RBPMS: variants seen among roughly 807,000 people sequenced by gnomAD.
RBPMS encodes the protein RNA-binding protein with multiple splicing.
Under a neutral mutation model 26.8 loss-of-function variants are expected in RBPMS, and 7 were observed. The observed-to-expected ratio is 0.26, with a 90% CI of 0.15 to 0.49. The LOEUF is 0.49. Among genes scored for constraint, RBPMS ranks in the 20% least tolerant of loss-of-function variants. The pLI, the probability that RBPMS is intolerant of heterozygous loss-of-function variation, is 0.98. For missense variants in RBPMS, 186 were observed against 250.0 expected (o/e 0.74, Z 1.73); for synonymous variants, 96 against 93.3 (o/e 1.03, Z -0.17).
chr8:30,414,093 G>A (rs1030904389), intron 1 of RBPMS, among the ~76,000 whole-genome samples: 8 of 151,828 alleles, frequency 5.3e-5, no homozygotes, highest in African/African-American at 1.5e-4. Flanking sequence ...TATTTTTGTC[G>A]TGCCCCCTCC....
chr8:30,499,898 G>C (rs1820371098), intron 4 of RBPMS, among the ~76,000 whole-genome samples: 1 of 135,750 alleles, frequency 7.4e-6, no homozygotes, highest in African/African-American at 2.6e-5. Flanking sequence ...GTGTGTGTGT[G>C]TGTGTGTGTT....
At chr8:30,555,648 T>C (rs1010323534) in intron 6 of RBPMS, among the ~76,000 whole-genome samples, 1 of 152,230 alleles carries the variant, frequency 6.6e-6, no homozygotes, top group African/African-American at 2.4e-5. Context: ...CTGCCTTGCA[T>C]GGAAGGCCAG....
Position 30,492,735 on chromosome 8 carries a change from G to A in RBPMS, c.247-11551G>A, listed in dbSNP as rs150914589. 2.2e-4 allele frequency among the ~76,000 whole-genome samples: 34 copies of A among 152,290 alleles called. 1 individual carries two copies. The East Asian group carries it at 6.6e-3, about 29-fold the overall frequency. On this transcript the variant is annotated intron_variant, in intron 4 of 8. Coordinates refer to ENST00000397323, the MANE Select transcript of RBPMS (RefSeq NM_001008710.3). ...CCTACTTTTTCACTGGATTCACTAT[G>A]TAACCAAAGGGGTGTGTATTTTCTA...
chr8:30,550,894 C>A (rs1306353060), intron 6 of RBPMS, among the ~76,000 whole-genome samples: 1 of 152,252 alleles, frequency 6.6e-6, no homozygotes. Flanking sequence ...CACAAACCCG[C>A]TGTCCCTGAC....
At chr8:30,419,820 C>T (rs543481286) in intron 1 of RBPMS, among the ~76,000 whole-genome samples, 16 of 152,154 alleles carry the variant, frequency 1.1e-4, no homozygotes, top group Non-Finnish European at 8.8e-5. Context: ...GGATTCTCAC[C>T]CTGTACTAAT....
intron 1 of RBPMS, among the ~76,000 whole-genome samples, chr8:30,430,588 T>C (rs1222542543): frequency 6.6e-6 from 1 of 152,238 alleles, no homozygotes; most frequent in Non-Finnish European, 1.5e-5. Context: ...CACTGCTATT[T>C]AAATGCTGTA....
chr8:30,419,670 G>C (rs1321487361), intron 1 of RBPMS, among the ~76,000 whole-genome samples: 3 of 151,906 alleles, frequency 2.0e-5, no homozygotes, highest in Non-Finnish European at 2.9e-5. Context: ...CTACCTTCAG[G>C]CTATGTTTAT....
chr8:30,545,813 C>T (rs1238263955), intron 6 of RBPMS, among the ~76,000 whole-genome samples: 3 of 152,166 alleles, frequency 2.0e-5, no homozygotes, highest in South Asian at 2.1e-4. Context: ...CTGGCCTGCC[C>T]TTGGTGCCTG....
chr8:30,560,552 C>A (rs776738046), intron 7 of RBPMS, among the ~76,000 whole-genome samples: 2 of 152,168 alleles, frequency 1.3e-5, no homozygotes, highest in Non-Finnish European at 2.9e-5. Flanking sequence ...TACTCTTCCT[C>A]TAACCCAATG....
chr8:30,554,629 T>TG (rs139306666), intron 6 of RBPMS, among the ~76,000 whole-genome samples: 1,721 of 152,250 alleles, frequency 0.011, 38 homozygotes, highest in African/African-American at 0.038. Context: ...GGTGATCACC[T>TG]GGGGGGCTGG....
At chr8:30,556,000 G>C (rs976953169) in intron 6 of RBPMS, 53 of 985,280 alleles carry the variant, frequency 5.4e-5, no homozygotes, top group Non-Finnish European at 6.3e-5. Context: ...GAGCCGCTCA[G>C]ACTTGGCCAG....
At chr8:30,423,555 A>G (rs1298992352) in intron 1 of RBPMS, among the ~76,000 whole-genome samples, 1 of 135,494 alleles carries the variant, frequency 7.4e-6, no homozygotes, top group Non-Finnish European at 1.5e-5. Flanking sequence ...CTTCCCATCC[A>G]TTTCTTCTTT....
chr8:30,521,403 G>T (rs1823005255), intron 5 of RBPMS, among the ~76,000 whole-genome samples: 1 of 152,174 alleles, frequency 6.6e-6, no homozygotes, highest in Non-Finnish European at 1.5e-5. Flanking sequence ...TCCCCAAAAG[G>T]ACGGGACACA....
In RBPMS at chr8:30,544,528, C is replaced by T. The variant is rs994796754; in HGVS notation, c.432C>T (p.Ser144=). Residue 144 remains serine, a synonymous_variant, in exon 6 of 9, where the codon AGC becomes AGT. Transcript: ENST00000397323. ...CAGTGCCTGCACTTTACCCCAGTAGCCCTGAAGTGTGGGCCCCGTACCCTC... is the reference window on the plus strand; with the variant it reads ...CAGTGCCTGCACTTTACCCCAGTAGTCCTGAAGTGTGGGCCCCGTACCCTC... ...ELTVPALYPS[S]PEVWAPYPLY... The T allele has an allele frequency of 2.5e-6, 4 of 1,614,190 alleles. No individual in the cohort carries two copies. Among genetic ancestry groups the T allele is most frequent in the Non-Finnish European group, 3.4e-6 (4 of 1,180,050 alleles).
intron 7 of RBPMS, among the ~76,000 whole-genome samples, chr8:30,561,384 C>T (rs1827469180): frequency 1.3e-5 from 2 of 152,202 alleles, no homozygotes; most frequent in Admixed American, 6.5e-5. Flanking sequence ...CCAGATGGCA[C>T]TGAGCGGACC....
At chr8:30,519,884 A>G (rs943607529) in intron 5 of RBPMS, among the ~76,000 whole-genome samples, 3 of 152,164 alleles carry the variant, frequency 2.0e-5, no homozygotes, top group African/African-American at 7.2e-5. Flanking sequence ...TTCTTCTTTT[A>G]GGTGTCCTTT....
At chr8:30,563,699 T>C (rs1416228613) in intron 7 of RBPMS, among the ~76,000 whole-genome samples, 3 of 152,236 alleles carry the variant, frequency 2.0e-5, no homozygotes, top group Non-Finnish European at 4.4e-5. Context: ...TGTCTTTGGC[T>C]GTGAGCTTGA....
At chr8:30,562,034 TAA>T in intron 7 of RBPMS, 1 of 985,334 alleles carries the variant, frequency 1.0e-6, no homozygotes, top group Non-Finnish European at 1.2e-6. Context: ...AAGATCCGAA[TAA>T]GAATATGTAA....
chr8:30,553,094 A>G (rs1826532770), intron 6 of RBPMS: 1 of 152,254 alleles, frequency 6.6e-6, no homozygotes, highest in Non-Finnish European at 1.5e-5. Flanking sequence ...TTCTGCCTAG[A>G]TCATAGCGAC....
Sources: allele counts gnomAD v4.1 joint callset (sites outside exome capture counted in the v4.1 genomes callset), GRCh38; gene constraint gnomAD v4.1.1; transcripts MANE v1.5; gene names NCBI Gene and HGNC (gene_info 2026-07-23, HGNC 2026-07-21).